The following FRMD4A variants were observed in gnomAD, a reference collection of about 807,000 sequenced individuals.
FRMD4A encodes the protein FERM domain-containing protein 4A.
Under a neutral mutation model 129.1 loss-of-function variants are expected in FRMD4A, and 29 were observed. That is an observed-to-expected ratio of 0.22 (90% CI 0.17 to 0.31). The LOEUF (loss-of-function observed/expected upper bound fraction) is 0.31. Ranked by LOEUF, FRMD4A falls within the 10% of genes least tolerant of loss-of-function variation. The probability of loss-of-function intolerance (pLI) is 1.00; values close to 1 mark genes in which losing one functional copy is unlikely to be tolerated. For synonymous variants in FRMD4A, 634 were observed against 571.6 expected (o/e 1.11, Z -1.56); for missense variants, 1,272 against 1,375.8 (o/e 0.92, Z 1.19).
chr10:14,315,960 T>G (rs1376429643), intron 2 of FRMD4A, among the ~76,000 whole-genome samples: 1 of 152,328 alleles, frequency 6.6e-6, no homozygotes, highest in African/African-American at 2.4e-5. Context: ...ATAGTCCACA[T>G]ACTGATCTCC....
intron 2 of FRMD4A, among the ~76,000 whole-genome samples, chr10:13,893,090 G>A (rs1241637730): frequency 6.9e-6 from 1 of 145,146 alleles, no homozygotes; most frequent in Non-Finnish European, 1.5e-5. Flanking sequence ...AGGCTGGAGT[G>A]TGATGGTGTG....
In FRMD4A at chr10:13,643,834, T is replaced by G. The variant is rs1448147040; in HGVS notation, c.*3204A>C. On this transcript the variant is annotated 3_prime_UTR_variant, in exon 25 of 25. Transcript: ENST00000357447. ...GATTTCTTTTTTTAATTCTGCAACT[T>G]TGTCTACAACGTACATCTTTTTCAT... 6.5e-6 allele frequency: 1 copy of G among 152,682 alleles called. No homozygotes were observed. The highest frequency in any genetic ancestry group is 6.5e-5 in the Admixed American group (1 of 15,286). 9.5% of individuals were successfully genotyped at this position (152,682 alleles called of 1,614,324 possible). A position where few individuals can be genotyped will look rare whatever the true frequency, so the allele number is the denominator to read the frequency against.
intron 2 of FRMD4A, among the ~76,000 whole-genome samples, chr10:14,114,949 C>A (rs1838120971): frequency 6.6e-6 from 1 of 152,130 alleles, no homozygotes; most frequent in Non-Finnish European, 1.5e-5. Flanking sequence ...GGAGAAGGTA[C>A]TGAAGTACTG....
chr10:13,669,406 G>C (rs1007765229), intron 17 of FRMD4A, among the ~76,000 whole-genome samples: 9 of 152,184 alleles, frequency 5.9e-5, no homozygotes, highest in Admixed American at 2.0e-4. Flanking sequence ...ACATTGGTGT[G>C]TCTGCCAGTG....
chr10:14,085,985 G>A (rs1337498255), intron 2 of FRMD4A, among the ~76,000 whole-genome samples: 1 of 152,072 alleles, frequency 6.6e-6, no homozygotes, highest in Non-Finnish European at 1.5e-5. Context: ...TTTAATACGA[G>A]CGCCAGTAAA....
chr10:14,185,270 T>A (rs1013759550), intron 2 of FRMD4A, among the ~76,000 whole-genome samples: 2 of 152,188 alleles, frequency 1.3e-5, no homozygotes. Flanking sequence ...TGCATAAGAC[T>A]CTTGCTTCCT....
chr10:14,156,482 C>T (rs1053369851), intron 2 of FRMD4A, among the ~76,000 whole-genome samples: 9 of 152,042 alleles, frequency 5.9e-5, no homozygotes, highest in African/African-American at 1.9e-4. Flanking sequence ...TTATTACAAA[C>T]ATATTTGTAA....
rs376285172 is a variant in FRMD4A, at chr10:13,988,497, AG to A, written c.46-129586del. Among the ~76,000 whole-genome samples, 476 of 152,334 alleles carry A rather than the reference AG, an allele frequency of 3.1e-3. 5 individuals are homozygous for A. Among genetic ancestry groups the A allele is most frequent in the African/African-American group, 0.011 (456 of 41,574 alleles). On this transcript the variant is annotated intron_variant, in intron 2 of 24. Coordinates refer to ENST00000357447, the MANE Select transcript of FRMD4A (RefSeq NM_018027.5). ...TTGTTTCTCTTTGAGTGGGTTGTACAGTCACTACTAATTTTGTCTAAGTGTT... is the reference window on the plus strand; with the variant it reads ...TTGTTTCTCTTTGAGTGGGTTGTACATCACTACTAATTTTGTCTAAGTGTT...
chr10:14,185,112 A>G (rs1251810863), intron 2 of FRMD4A, among the ~76,000 whole-genome samples: 1 of 152,178 alleles, frequency 6.6e-6, no homozygotes, highest in East Asian at 1.9e-4. Context: ...TCTTTTGCCA[A>G]TGTCTGTGTC....
intron 2 of FRMD4A, among the ~76,000 whole-genome samples, chr10:14,144,860 G>A (rs1460999919): frequency 6.6e-6 from 1 of 152,164 alleles, no homozygotes; most frequent in East Asian, 1.9e-4. Context: ...CGCAGAGAAG[G>A]ACTTGGGGTC....
intron 12 of FRMD4A, among the ~76,000 whole-genome samples, chr10:13,711,484 T>G (rs924280219): frequency 6.6e-6 from 1 of 152,222 alleles, no homozygotes; most frequent in African/African-American, 2.4e-5. Context: ...CACCACCATG[T>G]AAAGCTGCCA....
intron 2 of FRMD4A, among the ~76,000 whole-genome samples, chr10:13,988,121 GA>G (rs1056640404): frequency 3.2e-4 from 49 of 152,282 alleles, no homozygotes; most frequent in African/African-American, 9.6e-4. Context: ...ACAGAGGAGT[GA>G]AAATAATGTA....
At chr10:14,237,939 C>A (rs905539699) in intron 2 of FRMD4A, among the ~76,000 whole-genome samples, 2 of 152,190 alleles carry the variant, frequency 1.3e-5, no homozygotes, top group African/African-American at 4.8e-5. Flanking sequence ...GCAGCATTTG[C>A]CTCCTACTCC....
intron 2 of FRMD4A, among the ~76,000 whole-genome samples, chr10:14,161,247 T>C (rs903323957): frequency 5.3e-5 from 8 of 152,180 alleles, no homozygotes; most frequent in African/African-American, 1.9e-4. Flanking sequence ...TGAACCACCA[T>C]GCCCAGCTGG....
chr10:14,082,854 A>G (rs1434586943), intron 2 of FRMD4A: 1 of 152,224 alleles, frequency 6.6e-6, no homozygotes, highest in East Asian at 1.9e-4. Flanking sequence ...ATCTGAGCAA[A>G]TAGATTTTAC....
At chr10:14,160,739 A>C (rs1241300885) in intron 2 of FRMD4A, among the ~76,000 whole-genome samples, 1 of 152,214 alleles carries the variant, frequency 6.6e-6, no homozygotes, top group African/African-American at 2.4e-5. Context: ...AAACCCATTC[A>C]GTTTCTCCTG....
intron 2 of FRMD4A, among the ~76,000 whole-genome samples, chr10:14,256,803 C>A (rs913972600): frequency 6.6e-6 from 1 of 150,836 alleles, no homozygotes; most frequent in African/African-American, 2.4e-5. Flanking sequence ...GGCCACACAG[C>A]GAGACTCTGT....
intron 12 of FRMD4A, among the ~76,000 whole-genome samples, chr10:13,708,224 C>T (rs886829701): frequency 2.6e-5 from 4 of 152,306 alleles, no homozygotes; most frequent in East Asian, 1.9e-4. Flanking sequence ...CCAGAGTCCT[C>T]GGACCTCAGG....
chr10:13,723,905 A>G (rs1356060217), intron 12 of FRMD4A, among the ~76,000 whole-genome samples: 1 of 152,188 alleles, frequency 6.6e-6, no homozygotes, highest in Non-Finnish European at 1.5e-5. Flanking sequence ...ATTTAACTTT[A>G]GAGCAAGTTT....
Sources: gnomAD v4.1 joint callset for allele counts (sites outside exome capture counted in the v4.1 genomes callset) on GRCh38, gnomAD v4.1.1 for gene constraint, MANE v1.5 for transcripts, NCBI Gene and HGNC (gene_info 2026-07-23, HGNC 2026-07-21) for gene names.